The following CHST7 variants were observed in gnomAD, a reference collection of about 807,000 sequenced individuals.
CHST7 encodes the protein carbohydrate sulfotransferase 7.
A neutral mutation model predicts 9.0 loss-of-function variants in CHST7; 5 were observed. The observed-to-expected ratio is 0.56, with a 90% CI of 0.29 to 1.17. CHST7 has a LOEUF of 1.17. Ranked by LOEUF, CHST7 falls within the 50% of genes most tolerant of loss-of-function variation. The pLI is 0.08. For synonymous variants in CHST7, 244 were observed against 237.1 expected (o/e 1.03, Z -0.27); for missense variants, 377 against 485.1 (o/e 0.78, Z 2.09).
rs181984333 is a variant in CHST7 at position 46,574,464 on chromosome X, C to T, written c.533C>T (p.Ala178Val). 1.6e-3 allele frequency: 1,979 copies of T among 1,205,853 alleles called. 16 individuals carry two copies. The African/African-American group carries it at 0.029, about 18-fold the overall frequency. Residue 178 changes from alanine (A) to valine (V), a missense_variant, in exon 1 of 2, where the codon GCT becomes GTT. By Grantham distance (64) the Ala-to-Val change is moderately conservative. Around this residue, in one of 3 missense-constraint regions of CHST7, gnomAD observed 239 missense variants for 325.7 expected, o/e 0.73. Transcript: ENST00000276055. ...CTGTACGCGCCGCCGGGGGACCCCGCTGCGCGCGCCCCGGACACGGCCAAT... is the reference window on the plus strand; with the variant it reads ...CTGTACGCGCCGCCGGGGGACCCCGTTGCGCGCGCCCCGGACACGGCCAAT... Reference protein sequence around the residue: ...LRLYAPPGDPAARAPDTANLT... With the variant: ...LRLYAPPGDPVARAPDTANLT...
chrX:46,595,518 C>T (rs763406100), intron 1 of CHST7, among the ~76,000 whole-genome samples: 2 of 110,507 alleles, frequency 1.8e-5, no homozygotes, highest in Admixed American at 9.6e-5. Context: ...AATTGTGGTG[C>T]TTGGTTTCTG....
At chrX:46,587,454 T>C (rs1245259247) in intron 1 of CHST7, among the ~76,000 whole-genome samples, 1 of 112,106 alleles carries the variant, frequency 8.9e-6, no homozygotes, top group Non-Finnish European at 1.9e-5. Flanking sequence ...GAAACTGTTA[T>C]TGACTAGTGC....
At chrX:46,586,743 GT>G (rs1308063311) in intron 1 of CHST7, among the ~76,000 whole-genome samples, 27 of 104,793 alleles carry the variant, frequency 2.6e-4, no homozygotes, top group Non-Finnish European at 4.3e-4. Context: ...TTTTTTTTTT[GT>G]TTTTTTTTGA....
Position 46,574,542 on chromosome X carries a change from C to T in CHST7, c.611C>T (p.Pro204Leu), listed in dbSNP as rs377476475. ...CGGACTAACAAGGTCATCTGCTCGC[C>T]GCCACTGTGTCCTGGCGCACCCCGT... ...RWRTNKVICS[P>L]PLCPGAPRAR... Residue 204 changes from proline (P) to leucine (L), a missense_variant, in exon 1 of 2, where the codon CCG (proline) becomes CTG (leucine). Coordinates refer to ENST00000276055, the MANE Select transcript of CHST7 (RefSeq NM_019886.4). 1 of 1,207,565 alleles carries T rather than the reference C, an allele frequency of 8.3e-7. No individual in the cohort carries two copies. The highest frequency in any genetic ancestry group is 1.1e-6 in the Non-Finnish European group (1 of 893,323).
At chrX:46,577,273 G>T (rs772321264) in intron 1 of CHST7, among the ~76,000 whole-genome samples, 1 of 110,306 alleles carries the variant, frequency 9.1e-6, no homozygotes, top group East Asian at 2.9e-4. Flanking sequence ...TGTGAGGGAA[G>T]ACACTGGTGT....
Position 46,575,213 on chromosome X carries a change from CG to C in CHST7, c.1285del (p.Glu429ArgfsTer10). The C allele has an allele frequency of 9.1e-7, 1 of 1,102,778 alleles. No homozygotes were observed. Among genetic ancestry groups the C allele is most frequent in the Non-Finnish European group, 1.2e-6 (1 of 850,356 alleles). The allele number at this position is 1,102,778 out of a possible 1,213,427, so 90.9% of individuals were successfully genotyped here. ...CTTCCACCTGTCAGCGCGCGACGCC[CG>C]GGAGGCGGTGCACGCCTGGCGCGAG... ...RPFHLSARDAREAVHAWRERL... is the reference protein window; with the variant it reads ...RPFHLSARDAXEAVHAWRERL... On this transcript the variant is annotated frameshift_variant, in exon 1 of 2. Transcript: ENST00000276055. LOFTEE classifies it low-confidence loss of function (END_TRUNC).
At chrX:46,577,342 A>G (rs747296694) in intron 1 of CHST7, among the ~76,000 whole-genome samples, 1 of 110,345 alleles carries the variant, frequency 9.1e-6, no homozygotes, top group East Asian at 2.9e-4. Flanking sequence ...TCTGGGAGCA[A>G]GCTTTAGGCT....
intron 1 of CHST7, among the ~76,000 whole-genome samples, chrX:46,585,195 G>C (rs1942542743): frequency 9.0e-6 from 1 of 110,611 alleles, no homozygotes; most frequent in South Asian, 3.8e-4. Context: ...ACATTTTTCA[G>C]GGTCTGCACA....
At chrX:46,584,961 G>A (rs1227512083) in intron 1 of CHST7, among the ~76,000 whole-genome samples, 1 of 111,220 alleles carries the variant, frequency 9.0e-6, no homozygotes, top group East Asian at 2.8e-4. Context: ...CCATGATTGA[G>A]ACCATATTTT....
At chrX:46,576,261 A>G (rs1418832486) in intron 1 of CHST7, among the ~76,000 whole-genome samples, 2 of 105,056 alleles carry the variant, frequency 1.9e-5, no homozygotes, top group African/African-American at 7.1e-5. Flanking sequence ...ACCATATCCC[A>G]TTCACATCAG....
intron 1 of CHST7, among the ~76,000 whole-genome samples, chrX:46,580,631 G>A (rs917938314): frequency 1.8e-5 from 2 of 111,362 alleles, no homozygotes; most frequent in Non-Finnish European, 3.8e-5. Flanking sequence ...CAAGGCACTC[G>A]GAGCTCCCAT....
At chrX:46,576,572 A>G (rs1942500575) in intron 1 of CHST7, among the ~76,000 whole-genome samples, 1 of 111,468 alleles carries the variant, frequency 9.0e-6, no homozygotes, top group Non-Finnish European at 1.9e-5. Context: ...TGCTGACCAT[A>G]GGAGTCTACT....
At chrX:46,579,510 T>C (rs1942514808) in intron 1 of CHST7, among the ~76,000 whole-genome samples, 1 of 112,051 alleles carries the variant, frequency 8.9e-6, no homozygotes, top group South Asian at 3.7e-4. Context: ...ATATGCATCC[T>C]TTGAAAGAAA....
intron 1 of CHST7, among the ~76,000 whole-genome samples, chrX:46,577,777 A>G (rs1955355280): frequency 9.0e-6 from 1 of 111,474 alleles, no homozygotes; most frequent in South Asian, 3.7e-4. Flanking sequence ...TACTCCAGCT[A>G]GGCTAGTATG....
intron 1 of CHST7, among the ~76,000 whole-genome samples, chrX:46,592,896 A>G (rs1458572644): frequency 9.4e-6 from 1 of 106,713 alleles, no homozygotes; most frequent in Non-Finnish European, 1.9e-5. Context: ...TTAGCTTCAC[A>G]AATTTTGATG....
chrX:46,583,336 T>C (rs1942534267), intron 1 of CHST7, among the ~76,000 whole-genome samples: 1 of 112,369 alleles, frequency 8.9e-6, no homozygotes, highest in Non-Finnish European at 1.9e-5. Context: ...CTGGCTCAAA[T>C]TCAAGTCCAC....
intron 1 of CHST7, among the ~76,000 whole-genome samples, chrX:46,590,503 G>A (rs1942568766): frequency 9.0e-6 from 1 of 111,156 alleles, no homozygotes; most frequent in Admixed American, 9.6e-5. Flanking sequence ...GGAATTTGAG[G>A]TTGCAGTGAG....
intron 1 of CHST7, among the ~76,000 whole-genome samples, chrX:46,578,897 C>T (rs1942512402): frequency 9.0e-6 from 1 of 111,419 alleles, no homozygotes. Context: ...CTGAACATTA[C>T]ATTTACATGA....
intron 1 of CHST7, 56 bp downstream of exon 1, chrX:46,575,479 TG>T: frequency 1.1e-6 from 1 of 945,139 alleles, no homozygotes; most frequent in Non-Finnish European, 1.3e-6. Flanking sequence ...GAGCCTGGAA[TG>T]GCCTGGGGAG....
Sources: gnomAD v4.1 joint callset for allele counts (sites outside exome capture counted in the v4.1 genomes callset) on GRCh38, gnomAD v4.1.1 for gene constraint, gnomAD v4.1.1 regional missense constraint, MANE v1.5 for transcripts, NCBI Gene and HGNC (gene_info 2026-07-23, HGNC 2026-07-21) for gene names.